UBE2O: variants seen among roughly 807,000 people sequenced by gnomAD.
UBE2O encodes ubiquitin conjugating enzyme E2 O.
In UBE2O, 15 loss-of-function variants were observed where a neutral mutation model predicts 125.8. That is an observed-to-expected ratio of 0.12 (90% CI 0.08 to 0.18). The LOEUF (loss-of-function observed/expected upper bound fraction) is 0.18, where lower values mean the gene tolerates loss of function less well. Ranked by LOEUF, UBE2O falls within the 10% of genes least tolerant of loss-of-function variation. The pLI, the probability that UBE2O is intolerant of heterozygous loss-of-function variation, is 1.00. For missense variants in UBE2O, 1,280 were observed against 1,723.6 expected (o/e 0.74, Z 4.56); for synonymous variants, 708 against 703.2 (o/e 1.01, Z -0.11).
chr17:76,415,795 C>CTCTGTGTGTGTG (rs1555607402), intron 1 of UBE2O, among the ~76,000 whole-genome samples: 7,083 of 143,162 alleles, frequency 0.049, 203 homozygotes, highest in East Asian at 0.067. Context: ...CAGAGCAAGA[C>CTCTGTGTGTGTG]TGTGTGTGTG....
chr17:76,452,830 G>C lies in UBE2O; in HGVS notation c.312C>G (p.Ala104=). 2 of 1,504,358 alleles carry C rather than the reference G, an allele frequency of 1.3e-6. No homozygotes were observed. The highest frequency in any genetic ancestry group is 1.8e-6 in the Non-Finnish European group (2 of 1,127,570). The allele number at this position is 1,504,358 out of a possible 1,614,324, so 93.2% of individuals were successfully genotyped here. ...EGRGSSGCSE[A]GGAGHEEGRA... is the part of the protein sequence containing the mutation. Reference sequence around the variant, plus strand: ...GGCCCTCCTCGTGGCCCGCGCCCCCGGCCTCGGAGCACCCCGAGCTCCCGC... The same window carrying C: ...GGCCCTCCTCGTGGCCCGCGCCCCCCGCCTCGGAGCACCCCGAGCTCCCGC... Residue 104 remains alanine (A), a synonymous_variant, in exon 1 of 18, where the codon GCC becomes GCG. Transcript: ENST00000319380. The surrounding 1 kb of genome is among the most constrained non-coding windows in gnomAD (Gnocchi z 4.4).
chr17:76,407,485 A>G (rs1360844926), intron 1 of UBE2O, among the ~76,000 whole-genome samples: 2 of 152,234 alleles, frequency 1.3e-5, no homozygotes, highest in East Asian at 1.9e-4. Flanking sequence ...CAGAAGCGGC[A>G]GGACAGGAGA....
intron 1 of UBE2O, chr17:76,430,871 T>A: frequency 2.5e-6 from 1 of 404,510 alleles, no homozygotes; most frequent in South Asian, 2.1e-5. Flanking sequence ...CAATTCGGGT[T>A]CTGCAGGCAC....
intron 1 of UBE2O, among the ~76,000 whole-genome samples, chr17:76,406,704 T>G (rs1252480380): frequency 2.2e-5 from 3 of 135,528 alleles, no homozygotes; most frequent in African/African-American, 8.5e-5. Flanking sequence ...TTTTTTTTTT[T>G]TTTTTTTTTT....
rs374156280 is a variant in UBE2O at position 76,400,456 on chromosome 17, T to C, written c.989A>G (p.Gln330Arg). ...SVSPPPSVIT[Q>R]ENLGRVKRLG... is the part of the protein sequence containing the mutation. ...GCATGCTTACCTGCCTAGGTTTTCCTGGGTGATGACAGAGGGTGGGGGGCT... is the reference window on the plus strand; with the variant it reads ...GCATGCTTACCTGCCTAGGTTTTCCCGGGTGATGACAGAGGGTGGGGGGCT... Residue 330 changes from glutamine to arginine, a missense_variant, in exon 7 of 18, where the codon CAG becomes CGG. By Grantham distance (43) the Gln-to-Arg change is conservative. Coordinates refer to ENST00000319380, the MANE Select transcript of UBE2O (RefSeq NM_022066.4). The surrounding 1 kb of genome is among the most constrained non-coding windows in gnomAD (Gnocchi z 4.3). The C allele has an allele frequency of 9.9e-6, 16 of 1,611,926 alleles. No individual in the cohort carries two copies. The highest frequency in any genetic ancestry group is 5.5e-5 in the South Asian group (5 of 90,844).
Position 76,390,749 on chromosome 17 carries a change from C to T in UBE2O, c.*194G>A. The T allele has an allele frequency of 2.0e-6, 1 of 512,060 alleles. No individual in the cohort carries two copies. The highest frequency in any genetic ancestry group is 3.9e-5 in the South Asian group (1 of 25,632). The allele number at this position is 512,060 out of a possible 1,614,324, so 31.7% of individuals were successfully genotyped here. A position where few individuals can be genotyped will look rare whatever the true frequency, so the allele number is the denominator to read the frequency against. ...CCACAGGGGACCCGCCTGTTGAAAG[C>T]TCGCTTCAAAATAGAAACGGCAGCA... On this transcript the variant is annotated 3_prime_UTR_variant, in exon 18 of 18. Transcript: ENST00000319380.
chr17:76,416,548 G>C (rs2072619775), intron 1 of UBE2O, among the ~76,000 whole-genome samples: 1 of 152,138 alleles, frequency 6.6e-6, no homozygotes, highest in Admixed American at 6.5e-5. Flanking sequence ...GGCAGGGCCT[G>C]CTCTCAGCCA....
chr17:76,438,874 G>A (rs549510326), intron 1 of UBE2O, among the ~76,000 whole-genome samples: 1 of 152,252 alleles, frequency 6.6e-6, no homozygotes, highest in Non-Finnish European at 1.5e-5. Context: ...TGCATGCATA[G>A]GTGACGCCAT....
intron 1 of UBE2O, among the ~76,000 whole-genome samples, chr17:76,451,223 C>G (rs1223783816): frequency 6.6e-6 from 1 of 152,162 alleles, no homozygotes; most frequent in African/African-American, 2.4e-5. Flanking sequence ...AGAAAGACAC[C>G]AGCAATCATC....
At chr17:76,437,278 G>A (rs1331932160) in intron 1 of UBE2O, among the ~76,000 whole-genome samples, 2 of 151,248 alleles carry the variant, frequency 1.3e-5, no homozygotes, top group African/African-American at 4.9e-5. Flanking sequence ...GTGAAACCCC[G>A]TCTCTACTAA....
intron 1 of UBE2O, among the ~76,000 whole-genome samples, chr17:76,424,516 A>AT: frequency 6.6e-6 from 1 of 151,990 alleles, no homozygotes; most frequent in Non-Finnish European, 1.5e-5. Flanking sequence ...GCCCACTAGT[A>AT]TTTTTTATAT....
intron 1 of UBE2O, among the ~76,000 whole-genome samples, chr17:76,438,833 G>A (rs1433471367): frequency 1.3e-5 from 2 of 151,610 alleles, no homozygotes; most frequent in African/African-American, 4.8e-5. Flanking sequence ...CATTTTGTGT[G>A]AGAAGTCAGC....
chr17:76,398,781 A>T lies in UBE2O; in HGVS notation c.1783+56T>A. 1.3e-6 allele frequency: 2 copies of T among 1,589,222 alleles called. No individual in the cohort carries two copies. Among genetic ancestry groups the T allele is most frequent in the Admixed American group, 1.7e-5 (1 of 58,858 alleles). ...CACTGCCCATTCTCCACAAGCCCCA[A>T]CCCGGGCCCTCATTGGCGACCACCC... On this transcript the variant is annotated intron_variant, in intron 10 of 17. Coordinates refer to ENST00000319380, the MANE Select transcript of UBE2O (RefSeq NM_022066.4). This position sits in a 1 kb window ranked among gnomAD's most constrained non-coding sequence, Gnocchi z 5.4.
In UBE2O at chr17:76,399,333, C is replaced by A; in HGVS notation, c.1628+116G>T. On this transcript the variant is annotated intron_variant, in intron 9 of 17. Coordinates refer to ENST00000319380, the MANE Select transcript of UBE2O (RefSeq NM_022066.4). This position sits in a 1 kb window ranked among gnomAD's most constrained non-coding sequence, Gnocchi z 6.9. ...GTTGTCTCGGGTGGGAGCCCCGGAG[C>A]CACTACAAGGCATGCAGAGGTGTGT... 9.3e-7 allele frequency: 1 copy of A among 1,080,174 alleles called. No individual in the cohort carries two copies. The highest frequency in any genetic ancestry group is 1.3e-6 in the Non-Finnish European group (1 of 744,680). 66.9% of individuals were successfully genotyped at this position (1,080,174 alleles called of 1,614,324 possible).
chr17:76,443,282 AAT>A (rs35551260), intron 1 of UBE2O, among the ~76,000 whole-genome samples: 1 of 151,362 alleles, frequency 6.6e-6, no homozygotes, highest in Admixed American at 6.6e-5. Flanking sequence ...AAAGTTGGGG[AAT>A]ATATATATAT....
intron 1 of UBE2O, among the ~76,000 whole-genome samples, chr17:76,407,186 T>G (rs904069429): frequency 6.6e-6 from 1 of 151,800 alleles, no homozygotes; most frequent in Admixed American, 6.6e-5. Context: ...CGGTACAGAG[T>G]AGGTGCTCAG....
chr17:76,401,851 G>A (rs909922618), intron 5 of UBE2O: 12 of 396,676 alleles, frequency 3.0e-5, no homozygotes, highest in Non-Finnish European at 4.4e-5. Context: ...ACTCCAGCCT[G>A]GGCGACAGTG....
At chr17:76,443,991 C>T (rs562363813) in intron 1 of UBE2O, among the ~76,000 whole-genome samples, 33 of 152,166 alleles carry the variant, frequency 2.2e-4, no homozygotes, top group African/African-American at 7.5e-4. Context: ...GAAGCTGAGG[C>T]GGATGGATCA....
Position 76,392,131 on chromosome 17 carries a change from G to C in UBE2O, c.2947-18C>G. The stretch of plus-strand genomic sequence containing the variant: ...AAGAGGTCCTAGGTAGGGAGGGAGG[G>C]AGGGAGGCCAAGGTTGGCAGGGGTG... On this transcript the variant is annotated intron_variant, in intron 15 of 17. Transcript: ENST00000319380. 1 of 1,026,666 alleles carries C rather than the reference G, an allele frequency of 9.7e-7. No homozygotes were observed. 63.6% of individuals were successfully genotyped at this position (1,026,666 alleles called of 1,614,324 possible).
Sources: gnomAD v4.1 joint callset for allele counts (sites outside exome capture counted in the v4.1 genomes callset) on GRCh38, gnomAD v4.1.1 for gene constraint, Gnocchi (gnomAD v3.1) non-coding constraint, MANE v1.5 for transcripts, NCBI Gene and HGNC (gene_info 2026-07-23, HGNC 2026-07-21) for gene names.